GLCCI1: variants seen among roughly 807,000 people sequenced by gnomAD.
GLCCI1 encodes the protein glucocorticoid induced 1, also known as glucocorticoid-induced transcript 1 protein.
Under a neutral mutation model 52.2 loss-of-function variants are expected in GLCCI1, and 24 were observed. The observed-to-expected ratio is 0.46, with a 90% CI of 0.33 to 0.65. The LOEUF (loss-of-function observed/expected upper bound fraction) is 0.65. GLCCI1 is among the 30% of genes least tolerant of loss of function. The pLI, the probability that GLCCI1 is intolerant of heterozygous loss-of-function variation, is 0.02. For missense variants in GLCCI1, 704 were observed against 701.5 expected, an observed-to-expected ratio of 1.00 and a Z score of -0.04; for synonymous variants, 310 against 276.5, an observed-to-expected ratio of 1.12 and a Z score of -1.20.
chr7:8,070,821 A>G, intron 5 of GLCCI1, 100 bp from the exon 6 acceptor site: 1 of 1,006,998 alleles, frequency 9.9e-7, no homozygotes, highest in Non-Finnish European at 1.5e-6. Flanking sequence ...AAACTGGGTC[A>G]GTAGTGGTGG....
intron 3 of GLCCI1, among the ~76,000 whole-genome samples, chr7:8,031,153 G>C (rs1222853010): frequency 6.6e-6 from 1 of 152,128 alleles, no homozygotes; most frequent in African/African-American, 2.4e-5. Context: ...TCCGTCAACA[G>C]ATGAATGGAT....
intron 3 of GLCCI1, among the ~76,000 whole-genome samples, chr7:8,027,420 G>A (rs1168821902): frequency 6.6e-6 from 1 of 152,056 alleles, no homozygotes; most frequent in African/African-American, 2.4e-5. Flanking sequence ...CCTGGGAGGT[G>A]GAGGTTGCAG....
chr7:7,984,022 A>G (rs1780673903), intron 1 of GLCCI1, among the ~76,000 whole-genome samples: 1 of 152,124 alleles, frequency 6.6e-6, no homozygotes, highest in Non-Finnish European at 1.5e-5. Context: ...CTATTAAGTG[A>G]ATTTTGATTT....
At chr7:8,035,398 G>A (rs984524359) in intron 3 of GLCCI1, among the ~76,000 whole-genome samples, 1 of 152,194 alleles carries the variant, frequency 6.6e-6, no homozygotes, top group African/African-American at 2.4e-5. Context: ...CTTGTCCACT[G>A]CTGCGAACAC....
chr7:7,984,740 T>C (rs1780689268), intron 1 of GLCCI1, among the ~76,000 whole-genome samples: 1 of 152,226 alleles, frequency 6.6e-6, no homozygotes. Flanking sequence ...TACTGAGATT[T>C]AGCAAAATTA....
chr7:7,974,613 G>A (rs984458203), intron 1 of GLCCI1, among the ~76,000 whole-genome samples: 7 of 152,210 alleles, frequency 4.6e-5, no homozygotes, highest in Non-Finnish European at 7.4e-5. Flanking sequence ...CCACAGCAGT[G>A]AGTGGAATGG....
chr7:8,049,074 A>G (rs1229775355), intron 3 of GLCCI1, among the ~76,000 whole-genome samples: 1 of 152,220 alleles, frequency 6.6e-6, no homozygotes, highest in Non-Finnish European at 1.5e-5. Context: ...GAAGAATAAA[A>G]TCACATGTTG....
At chr7:7,977,268 T>A (rs28177) in intron 1 of GLCCI1, among the ~76,000 whole-genome samples, 114,119 of 152,072 alleles carry the variant, frequency 0.75, 43,237 homozygotes, top group African/African-American at 0.86. Flanking sequence ...ATACATAAAA[T>A]TGATTACTAT....
intron 3 of GLCCI1, among the ~76,000 whole-genome samples, chr7:8,036,397 G>GA (rs546672940): frequency 6.3e-4 from 96 of 151,854 alleles, no homozygotes; most frequent in African/African-American, 2.1e-3. Context: ...CCTTAAGATG[G>GA]AAAAAAAATC....
At chr7:8,040,951 A>G (rs183125755) in intron 3 of GLCCI1, among the ~76,000 whole-genome samples, 375 of 152,286 alleles carry the variant, frequency 2.5e-3, no homozygotes, top group African/African-American at 8.4e-3. Flanking sequence ...AAGTGTTCAA[A>G]TGAATGAGAG....
intron 1 of GLCCI1, among the ~76,000 whole-genome samples, chr7:8,001,876 C>T (rs575345126): frequency 3.3e-5 from 5 of 152,228 alleles, no homozygotes; most frequent in Admixed American, 1.3e-4. Context: ...TGTCCTCACT[C>T]ATAGGTGGGA....
chr7:8,066,435 G>C (rs1782632530), intron 5 of GLCCI1, among the ~76,000 whole-genome samples: 1 of 151,816 alleles, frequency 6.6e-6, no homozygotes, highest in South Asian at 2.1e-4. Context: ...GCTAGCTTTG[G>C]AGTTAGTTTG....
At chr7:8,050,069 T>G (rs1782223455) in intron 3 of GLCCI1, among the ~76,000 whole-genome samples, 1 of 152,142 alleles carries the variant, frequency 6.6e-6, no homozygotes, top group Non-Finnish European at 1.5e-5. Context: ...GAGGTGAATC[T>G]GGGGGTTCGG....
intron 3 of GLCCI1, among the ~76,000 whole-genome samples, chr7:8,038,283 A>T (rs4725060): frequency 5.9e-5 from 9 of 151,906 alleles, no homozygotes; most frequent in African/African-American, 2.2e-4. Flanking sequence ...CTGAAAATTC[A>T]TATTGAAAAA....
At chr7:8,040,331 C>T (rs912593867) in intron 3 of GLCCI1, among the ~76,000 whole-genome samples, 5 of 151,858 alleles carry the variant, frequency 3.3e-5, no homozygotes, top group African/African-American at 1.2e-4. Flanking sequence ...ACAAAAAATA[C>T]AGAAGTTAGC....
At chr7:8,070,578 T>C in intron 5 of GLCCI1, 1 of 167,762 alleles carries the variant, frequency 6.0e-6, no homozygotes, top group East Asian at 1.7e-4. Context: ...CTTTGTTAAT[T>C]CTTTCAGCAA....
chr7:7,989,543 C>T (rs1472662492), intron 1 of GLCCI1, among the ~76,000 whole-genome samples: 4 of 151,924 alleles, frequency 2.6e-5, no homozygotes, highest in Admixed American at 1.3e-4. Flanking sequence ...AGAATATTAA[C>T]GAGAAATATG....
intron 1 of GLCCI1, among the ~76,000 whole-genome samples, chr7:7,983,353 TATAAA>T (rs1487457005): frequency 2.6e-5 from 4 of 152,206 alleles, no homozygotes; most frequent in Admixed American, 1.3e-4. Flanking sequence ...TGCCTCAAAA[TATAAA>T]ATAAATGTAT....
intron 1 of GLCCI1, among the ~76,000 whole-genome samples, chr7:7,984,575 A>G (rs994115921): frequency 6.6e-6 from 1 of 152,208 alleles, no homozygotes; most frequent in Non-Finnish European, 1.5e-5. Context: ...GCTCTACGCA[A>G]TATCTAACTT....
Sources: gnomAD v4.1 joint callset for allele counts (sites outside exome capture counted in the v4.1 genomes callset) on GRCh38, gnomAD v4.1.1 for gene constraint, MANE v1.5 for transcripts, NCBI Gene and HGNC (gene_info 2026-07-23, HGNC 2026-07-21) for gene names.